Variants in NYNRIN observed in about 807,000 individuals in gnomAD.
NYNRIN encodes protein NYNRIN.
NYNRIN carries 86 observed loss-of-function variants against 146.6 expected under a neutral mutation model. That is an observed-to-expected ratio of 0.59 (90% CI 0.49 to 0.70). The LOEUF (loss-of-function observed/expected upper bound fraction) is 0.70. NYNRIN is among the 30% of genes least tolerant of loss of function. NYNRIN has a pLI of 0.00. For missense variants in NYNRIN, 2,191 were observed against 2,377.7 expected (o/e 0.92, Z 1.63); for synonymous variants, 1,027 against 1,001.3 (o/e 1.03, Z -0.48).
In NYNRIN at chr14:24,417,204, C is replaced by T. The variant is rs201284188; in HGVS notation, c.5455C>T (p.Arg1819Trp). ...SEKAENRRFKRESQEKEWNVG... is the reference protein window; with the variant it reads ...SEKAENRRFKWESQEKEWNVG... ...AAAGGCCGAGAACAGGCGTTTCAAG[C>T]GGGAGAGCCAGGAGAAGGAGTGGAA... The change falls in exon 9 of 9, where the codon CGG becomes TGG. Residue 1819 changes from arginine to tryptophan, a missense_variant. Around this residue, in one of 3 missense-constraint regions of NYNRIN, gnomAD observed 1,291 missense variants for 1,417.0 expected, o/e 0.91. Transcript: ENST00000382554. The T allele has an allele frequency of 1.4e-5, 23 of 1,614,026 alleles. No homozygotes were observed. Among genetic ancestry groups the T allele is most frequent in the African/African-American group, 4.0e-5 (3 of 75,058 alleles).
rs1234263299 is a variant in NYNRIN at position 24,408,383 on chromosome 14, G to C, written c.713G>C (p.Gly238Ala). The stretch of plus-strand genomic sequence containing the variant: ...GAAGCCCCAGCCATGGTGTCCGTGG[G>C]AGAGAGTCCTGGACCCTTTGTGGAC... Reference protein sequence around the residue: ...QKEAPAMVSVGESPGPFVDMG... With the variant: ...QKEAPAMVSVAESPGPFVDMG... Residue 238 changes from glycine (G) to alanine (A), a missense_variant, in exon 3 of 9, where the codon GGA becomes GCA. Transcript: ENST00000382554. 1 of 1,613,930 alleles carries C rather than the reference G, an allele frequency of 6.2e-7. No homozygotes were observed. The highest frequency in any genetic ancestry group is 1.7e-5 in the Admixed American group (1 of 60,030).
chr14:24,417,806 G>T lies in NYNRIN; in HGVS notation c.*360G>T, dbSNP rs538262230. 4.8e-4 allele frequency: 109 copies of T among 225,792 alleles called. No individual in the cohort carries two copies. Among genetic ancestry groups the T allele is most frequent in the African/African-American group, 2.0e-3 (86 of 43,438 alleles). 14.0% of individuals were successfully genotyped at this position (225,792 alleles called of 1,614,324 possible). Reference sequence around the variant, plus strand: ...GTGGTGTGCACACACACTCACGAAAGAATCTATCTTGGCCATGAAACTGTG... The same window carrying T: ...GTGGTGTGCACACACACTCACGAAATAATCTATCTTGGCCATGAAACTGTG... On this transcript the variant is annotated 3_prime_UTR_variant, in exon 9 of 9. Coordinates refer to ENST00000382554, the MANE Select transcript of NYNRIN (RefSeq NM_025081.3).
At chr14:24,414,484 A>G in intron 8 of NYNRIN, 112 bp from the exon 9 acceptor site, 2 of 1,423,754 alleles carry the variant, frequency 1.4e-6, no homozygotes, top group Admixed American at 2.8e-5. Flanking sequence ...AGTTGTTGGC[A>G]CTTGGCCCAG....
At position 24,411,046 on chromosome 14, in the gene NYNRIN, AG is replaced by A. The variant is rs2042909708; in HGVS notation, c.2415-27del. 3 of 1,612,830 alleles carry A rather than the reference AG, an allele frequency of 1.9e-6. 1 individual carries two copies. The South Asian group carries it at 3.3e-5, about 18-fold the overall frequency. ...GGCTCTGAGGGAGGAGTGGTGAGGCAGGGTCTTTCCTTGTCCCACGACCCCA... is the reference window on the plus strand; with the variant it reads ...GGCTCTGAGGGAGGAGTGGTGAGGCAGGTCTTTCCTTGTCCCACGACCCCA... On this transcript the variant is annotated intron_variant, in intron 4 of 8. Coordinates refer to ENST00000382554, the MANE Select transcript of NYNRIN (RefSeq NM_025081.3). The surrounding 1 kb of genome is among the most constrained non-coding windows in gnomAD (Gnocchi z 4.3).
At chr14:24,401,438 C>CG (rs11312133) in intron 2 of NYNRIN, among the ~76,000 whole-genome samples, 215 of 146,860 alleles carry the variant, frequency 1.5e-3, no homozygotes, top group African/African-American at 3.4e-3. Context: ...AGGTGAGGGG[C>CG]GGGGGGGGTT....
intron 2 of NYNRIN, among the ~76,000 whole-genome samples, chr14:24,402,785 C>G (rs944797962): frequency 1.3e-5 from 2 of 152,160 alleles, no homozygotes; most frequent in Non-Finnish European, 2.9e-5. Flanking sequence ...GCACTGAATA[C>G]TTCTTTTTCT....
At chr14:24,399,514 A>C in intron 2 of NYNRIN, 70 bp downstream of exon 2, 2 of 1,389,212 alleles carry the variant, frequency 1.4e-6, no homozygotes, top group Non-Finnish European at 1.9e-6. Flanking sequence ...CCCTGGGGAG[A>C]TGGTGGTCCG....
At position 24,416,260 on chromosome 14, in the gene NYNRIN, C is replaced by T. The variant is rs1367469425; in HGVS notation, c.4511C>T (p.Ser1504Phe). The change falls in exon 9 of 9, where the codon TCC becomes TTC. Residue 1504 changes from serine to phenylalanine, a missense_variant. By Grantham distance (155) the Ser-to-Phe change is radical. Around this residue, in one of 3 missense-constraint regions of NYNRIN, gnomAD observed 1,291 missense variants for 1,417.0 expected, o/e 0.91. Coordinates refer to ENST00000382554, the MANE Select transcript of NYNRIN (RefSeq NM_025081.3). ...CAGGCTGGGCAGAAACTGTCTGGCT[C>T]CTCACCGTTTAGTTCTGCCTTTAAC... ...RLQAGQKLSG[S>F]SPFSSAFNSL... 1.9e-6 allele frequency: 3 copies of T among 1,613,746 alleles called. No homozygotes were observed. The highest frequency in any genetic ancestry group is 2.5e-6 in the Non-Finnish European group (3 of 1,179,880).
chr14:24,409,362 C>T lies in NYNRIN; in HGVS notation c.1568C>T (p.Pro523Leu). ...APVLPTGQGK[P>L]VAQGGLTDQS... ...GTGCTGCCAACAGGGCAAGGGAAGC[C>T]CGTGGCTCAAGGGGGGCTGACAGAT... Residue 523 changes from proline (P) to leucine (L), a missense_variant, in exon 4 of 9, where the codon CCC becomes CTC. Around this residue, in one of 3 missense-constraint regions of NYNRIN, gnomAD observed 895 missense variants for 941.2 expected, o/e 0.95. Transcript: ENST00000382554. 6.2e-7 allele frequency: 1 copy of T among 1,614,036 alleles called. No homozygotes were observed. Among genetic ancestry groups the T allele is most frequent in the Non-Finnish European group, 8.5e-7 (1 of 1,179,900 alleles).
In NYNRIN at chr14:24,415,019, C is replaced by T. The variant is rs753065638; in HGVS notation, c.3270C>T (p.Asn1090=). The change falls in exon 9 of 9, where the codon AAC becomes AAT. Residue 1090 remains asparagine, a synonymous_variant. Coordinates refer to ENST00000382554, the MANE Select transcript of NYNRIN (RefSeq NM_025081.3). ...AHLAQLTIPS[N]FTALSFFMGF... ...TGGCCCAGCTCACCATCCCCAGCAA[C>T]TTCACCGCACTCTCCTTCTTCATGG... 6.2e-7 allele frequency: 1 copy of T among 1,605,646 alleles called. No homozygotes were observed. The highest frequency in any genetic ancestry group is 8.5e-7 in the Non-Finnish European group (1 of 1,173,654).
chr14:24,407,883 C>A lies in NYNRIN; in HGVS notation c.213C>A (p.Gly71=). The stretch of plus-strand genomic sequence containing the variant: ...ATTGTGCCCAGGAATACCTGAAGGG[C>A]CTGTGCAGCCCAGAGCTGTGGAAAG... ...NMGKAKEYLK[G]LCSPELWKEV... is the part of the protein sequence containing the mutation. Residue 71 remains glycine, a synonymous_variant, in exon 3 of 9, where the codon GGC becomes GGA. Transcript: ENST00000382554. The A allele has an allele frequency of 6.2e-7, 1 of 1,608,736 alleles. No homozygotes were observed.
chr14:24,411,853 C>A lies in NYNRIN; in HGVS notation c.2642+403C>A, dbSNP rs2042914951. ...GGCACTGGTGGAGGTCTGTGCATGG[C>A]TGATGTGGATGGAGCCCTGGGCAGG... On this transcript the variant is annotated intron_variant, in intron 6 of 8. Coordinates refer to ENST00000382554, the MANE Select transcript of NYNRIN (RefSeq NM_025081.3). The surrounding 1 kb of genome is among the most constrained non-coding windows in gnomAD (Gnocchi z 4.3). Among the ~76,000 whole-genome samples, 1 of 152,110 alleles carries A rather than the reference C, an allele frequency of 6.6e-6. No individual in the cohort carries two copies. Among genetic ancestry groups the A allele is most frequent in the African/African-American group, 2.4e-5 (1 of 41,424 alleles).
At position 24,407,971 on chromosome 14, in the gene NYNRIN, T is replaced by C. The variant is rs777192126; in HGVS notation, c.301T>C (p.Cys101Arg). The C allele has an allele frequency of 6.2e-7, 1 of 1,613,926 alleles. No homozygotes were observed. The highest frequency in any genetic ancestry group is 1.3e-5 in the African/African-American group (1 of 74,952). Residue 101 changes from cysteine (C) to arginine (R), a missense_variant, in exon 3 of 9, where the codon TGC becomes CGC. Physicochemically the swap from Cys to Arg is radical, Grantham distance 180. Coordinates refer to ENST00000382554, the MANE Select transcript of NYNRIN (RefSeq NM_025081.3). ...TGGGGCCCAAGGCCTCTTCCTGGAC[T>C]GCCTCTGCTGGAGCACCCTTGCCTA... The part of the protein sequence containing the change: ...FLGAQGLFLD[C>R]LCWSTLAYLV...
rs749825121 is a variant in NYNRIN, at chr14:24,408,279, C to T, written c.609C>T (p.Ile203=). The T allele has an allele frequency of 1.9e-5, 31 of 1,611,786 alleles. No individual in the cohort carries two copies. Among genetic ancestry groups the T allele is most frequent in the Admixed American group, 6.7e-5 (4 of 60,006 alleles). Reference sequence around the variant, plus strand: ...ATGCTGCGGGCAAGGAAGACATCATCGAGTGGCTCAGCCGCTTCGGCATCT... The same window carrying T: ...ATGCTGCGGGCAAGGAAGACATCATTGAGTGGCTCAGCCGCTTCGGCATCT... ...VRDAAGKEDI[I]EWLSRFGISD... The change falls in exon 3 of 9, where the codon ATC becomes ATT. Residue 203 remains isoleucine, a synonymous_variant. Transcript: ENST00000382554.
At position 24,414,948 on chromosome 14, in the gene NYNRIN, A is replaced by T; in HGVS notation, c.3199A>T (p.Ile1067Phe). ...LPGAASPYLGIPWDGKAPCQQ... is the reference protein window; with the variant it reads ...LPGAASPYLGFPWDGKAPCQQ... ...AGGGGCAGCTTCTCCCTACCTGGGC[A>T]TCCCCTGGGATGGAAAGGCTCCCTG... The change falls in exon 9 of 9, where the codon ATC (isoleucine) becomes TTC (phenylalanine). Residue 1067 changes from isoleucine to phenylalanine, a missense_variant. Physicochemically the swap from Ile to Phe is conservative, Grantham distance 21. Coordinates refer to ENST00000382554, the MANE Select transcript of NYNRIN (RefSeq NM_025081.3). 1.3e-6 allele frequency: 2 copies of T among 1,595,616 alleles called. No homozygotes were observed. The highest frequency in any genetic ancestry group is 2.2e-5 in the South Asian group (2 of 89,752).
intron 8 of NYNRIN, among the ~76,000 whole-genome samples, chr14:24,413,916 G>A (rs894537769): frequency 5.3e-5 from 8 of 152,130 alleles, no homozygotes; most frequent in African/African-American, 1.2e-4. Flanking sequence ...TATGTTTATC[G>A]TCTCATTCGA....
rs2139355919 is a variant in NYNRIN at position 24,416,979 on chromosome 14, C to T, written c.5230C>T (p.Leu1744=). The change falls in exon 9 of 9, where the codon CTG becomes TTG. Residue 1744 remains leucine (L), a synonymous_variant. Transcript: ENST00000382554. Reference sequence around the variant, plus strand: ...GAAGTGGGCGGCCTCCCTGCCTTTGCTGCACCTGGCCTTCAGGGCCTCCTC... The same window carrying T: ...GAAGTGGGCGGCCTCCCTGCCTTTGTTGCACCTGGCCTTCAGGGCCTCCTC... ...GKKWAASLPL[L]HLAFRASSTD... 6.3e-7 allele frequency: 1 copy of T among 1,583,994 alleles called. No homozygotes were observed. Among genetic ancestry groups the T allele is most frequent in the South Asian group, 1.2e-5 (1 of 86,636 alleles).
rs1391567850 is a variant in NYNRIN, at chr14:24,408,161, G to A, written c.491G>A (p.Gly164Glu). ...IWEAEVTRAFGALVWIRGDQH... is the reference protein window; with the variant it reads ...IWEAEVTRAFEALVWIRGDQH... ...GAGGCTGAGGTGACCCGGGCCTTTG[G>A]GGCCCTGGTCTGGATCCGTGGTGAC... is the stretch of plus-strand genomic sequence containing the variant. The change falls in exon 3 of 9, where the codon GGG (glycine) becomes GAG (glutamate). Residue 164 changes from glycine (G) to glutamate (E), a missense_variant. Around this residue, in one of 3 missense-constraint regions of NYNRIN, gnomAD observed 895 missense variants for 941.2 expected, o/e 0.95. Transcript: ENST00000382554. 4 of 1,602,844 alleles carry A rather than the reference G, an allele frequency of 2.5e-6. No individual in the cohort carries two copies. Among genetic ancestry groups the A allele is most frequent in the Non-Finnish European group, 3.4e-6 (4 of 1,177,044 alleles).
At chr14:24,399,163 T>TGGGGCTG (rs2042823471) in intron 1 of NYNRIN, 67 bp from the exon 2 acceptor site, 2 of 1,330,730 alleles carry the variant, frequency 1.5e-6, no homozygotes, top group South Asian at 2.6e-5. Flanking sequence ...CTTAGGCGCC[T>TGGGGCTG]GGGGCTGGGG....
Sources: gnomAD v4.1 joint callset for allele counts (sites outside exome capture counted in the v4.1 genomes callset) on GRCh38, gnomAD v4.1.1 for gene constraint, gnomAD v4.1.1 regional missense constraint, Gnocchi (gnomAD v3.1) non-coding constraint, MANE v1.5 for transcripts, NCBI Gene and HGNC (gene_info 2026-07-23, HGNC 2026-07-21) for gene names.